The following UCK2 variants were observed in gnomAD, a reference collection of about 807,000 sequenced individuals.
The protein encoded by UCK2 is uridine-cytidine kinase 2, also known as cytidine monophosphokinase 2.
In UCK2, 6 loss-of-function variants were observed where a neutral mutation model predicts 30.8. The observed-to-expected ratio is 0.19, with a 90% CI of 0.11 to 0.38. The LOEUF (loss-of-function observed/expected upper bound fraction) is 0.38, where lower values mean the gene tolerates loss of function less well. Among genes scored for constraint, UCK2 ranks in the 10% least tolerant of loss-of-function variants. UCK2 has a pLI of 1.00. For missense variants in UCK2, 210 were observed against 339.8 expected (o/e 0.62, Z 3.00); for synonymous variants, 125 against 133.6 (o/e 0.94, Z 0.45).
At chr1:165,876,425 T>TA (rs1655339148) in intron 1 of UCK2, among the ~76,000 whole-genome samples, 1 of 152,204 alleles carries the variant, frequency 6.6e-6, no homozygotes, top group Non-Finnish European at 1.5e-5. Flanking sequence ...CATGCCTATA[T>TA]TCCAGATAGC....
intron 4 of UCK2, 84 bp downstream of exon 4, chr1:165,896,416 G>T: frequency 6.6e-7 from 1 of 1,521,828 alleles, no homozygotes; most frequent in Non-Finnish European, 9.0e-7. Context: ...GACCCCACCC[G>T]CCTGAGTCTG....
chr1:165,877,103 A>AC (rs915707261), intron 1 of UCK2, among the ~76,000 whole-genome samples: 90 of 151,752 alleles, frequency 5.9e-4, no homozygotes, highest in African/African-American at 2.0e-3. Context: ...TGGTCCACTG[A>AC]CCCCCCCAAA....
intron 1 of UCK2, among the ~76,000 whole-genome samples, chr1:165,877,725 A>G (rs1655374877): frequency 6.6e-6 from 1 of 152,148 alleles, no homozygotes; most frequent in Non-Finnish European, 1.5e-5. Flanking sequence ...ACATTTGTGT[A>G]TGTATTTTTG....
rs529029877 is a variant in UCK2 at position 165,870,852 on chromosome 1, C to T, written c.100-19352C>T. Among the ~76,000 whole-genome samples, 17 of 152,362 alleles carry T rather than the reference C, an allele frequency of 1.1e-4. 1 individual carries two copies. Among genetic ancestry groups the T allele is most frequent in the African/African-American group, 4.1e-4 (17 of 41,590 alleles). On this transcript the variant is annotated intron_variant, in intron 1 of 6. Coordinates refer to ENST00000367879, the MANE Select transcript of UCK2 (RefSeq NM_012474.5). ...TTTTTTTTCGAGAAGGAGTTTTGCTCTGTTGCCCCGGCTGGGGTGCAGTGG... is the reference window on the plus strand; with the variant it reads ...TTTTTTTTCGAGAAGGAGTTTTGCTTTGTTGCCCCGGCTGGGGTGCAGTGG...
At chr1:165,847,095 A>G (rs1654468292) in intron 1 of UCK2, among the ~76,000 whole-genome samples, 1 of 152,026 alleles carries the variant, frequency 6.6e-6, no homozygotes, top group Admixed American at 6.6e-5. Flanking sequence ...TAAAAACTTA[A>G]CATATAGGTT....
intron 1 of UCK2, among the ~76,000 whole-genome samples, chr1:165,828,406 G>C (rs1230217611): frequency 1.3e-5 from 2 of 152,214 alleles, no homozygotes; most frequent in Non-Finnish European, 2.9e-5. Flanking sequence ...AAGCGCGGCC[G>C]AGAGGGCGAG....
At chr1:165,830,066 TGA>T (rs529897754) in intron 1 of UCK2, among the ~76,000 whole-genome samples, 93 of 150,626 alleles carry the variant, frequency 6.2e-4, no homozygotes, top group Admixed American at 1.8e-3. Flanking sequence ...AGTGCCGTGG[TGA>T]GATCTTGGCT....
chr1:165,842,182 TCTC>T (rs1557833172), intron 1 of UCK2, among the ~76,000 whole-genome samples: 1 of 152,198 alleles, frequency 6.6e-6, no homozygotes, highest in Non-Finnish European at 1.5e-5. Flanking sequence ...TCACCATTCT[TCTC>T]AGTCATCTCT....
chr1:165,844,426 G>C (rs1405643930), intron 1 of UCK2, among the ~76,000 whole-genome samples: 1 of 152,206 alleles, frequency 6.6e-6, no homozygotes, highest in African/African-American at 2.4e-5. Flanking sequence ...CCTGTGGATA[G>C]GGGCACTAGG....
intron 6 of UCK2, among the ~76,000 whole-genome samples, chr1:165,906,794 T>C (rs1230966002): frequency 1.3e-5 from 2 of 152,206 alleles, no homozygotes; most frequent in African/African-American, 4.8e-5. Flanking sequence ...TTTATTTAAT[T>C]TTCCCTCCAT....
intron 3 of UCK2, chr1:165,894,025 G>T (rs556609781): frequency 6.6e-6 from 1 of 152,044 alleles, no homozygotes; most frequent in Non-Finnish European, 1.5e-5. Flanking sequence ...CCAGTGTGAC[G>T]TTCAAAGGAA....
chr1:165,857,870 T>C (rs1654790506), intron 1 of UCK2, among the ~76,000 whole-genome samples: 1 of 152,192 alleles, frequency 6.6e-6, no homozygotes, highest in Admixed American at 6.5e-5. Context: ...TGTCAGTGTT[T>C]ACTGCACCCC....
chr1:165,879,805 T>C (rs1451081339), intron 1 of UCK2, among the ~76,000 whole-genome samples: 4 of 152,126 alleles, frequency 2.6e-5, no homozygotes, highest in African/African-American at 9.7e-5. Flanking sequence ...CTTGAACCCC[T>C]TTCTTCAAAT....
chr1:165,884,308 TG>T (rs2101878198), intron 1 of UCK2, among the ~76,000 whole-genome samples: 1 of 152,378 alleles, frequency 6.6e-6, no homozygotes, highest in African/African-American at 2.4e-5. Flanking sequence ...CGATTGGCTG[TG>T]GTTGCTAAGT....
chr1:165,893,230 G>C (rs888927793), intron 3 of UCK2, among the ~76,000 whole-genome samples: 1 of 152,178 alleles, frequency 6.6e-6, no homozygotes, highest in South Asian at 2.1e-4. Flanking sequence ...TGAAGACCTC[G>C]TGCATCATGA....
Position 165,835,171 on chromosome 1 carries a change from G to C in UCK2, c.99+7239G>C, listed in dbSNP as rs182845596. On this transcript the variant is annotated intron_variant, in intron 1 of 6. Transcript: ENST00000367879. ...TGTCTTTGCCCTTCGCAGGCTTCTAGTCTCCTAGGCTGTCTAGAGAAAGCT... is the reference window on the plus strand; with the variant it reads ...TGTCTTTGCCCTTCGCAGGCTTCTACTCTCCTAGGCTGTCTAGAGAAAGCT... Among the ~76,000 whole-genome samples, 39 of 152,230 alleles carry C rather than the reference G, an allele frequency of 2.6e-4. 1 individual carries two copies. The highest frequency in any genetic ancestry group is 1.5e-3 in the Admixed American group (23 of 15,292).
intron 1 of UCK2, among the ~76,000 whole-genome samples, chr1:165,867,027 A>G (rs1655063318): frequency 6.6e-6 from 1 of 152,236 alleles, no homozygotes; most frequent in Admixed American, 6.5e-5. Context: ...ATATCATAGT[A>G]AAGTGTCACA....
chr1:165,885,933 G>A (rs1655603298), intron 1 of UCK2, among the ~76,000 whole-genome samples: 1 of 152,070 alleles, frequency 6.6e-6, no homozygotes, highest in Non-Finnish European at 1.5e-5. Context: ...ATTTACCATC[G>A]TAACCGTCTT....
intron 1 of UCK2, among the ~76,000 whole-genome samples, chr1:165,857,511 G>A (rs997713201): frequency 6.6e-6 from 1 of 152,178 alleles, no homozygotes; most frequent in African/African-American, 2.4e-5. Flanking sequence ...GGGAGTTGGA[G>A]GAGGCAGATG....
Sources: gnomAD v4.1 joint callset for allele counts (sites outside exome capture counted in the v4.1 genomes callset) on GRCh38, gnomAD v4.1.1 for gene constraint, MANE v1.5 for transcripts, NCBI Gene and HGNC (gene_info 2026-07-23, HGNC 2026-07-21) for gene names.